MAN2A2: variants seen among roughly 807,000 people sequenced by gnomAD.
MAN2A2 encodes the protein alpha-mannosidase 2x.
In MAN2A2, 79 loss-of-function variants were observed where a neutral mutation model predicts 126.8. The ratio of observed to expected loss-of-function variants is 0.62; its 90% confidence interval spans 0.52 to 0.75. The LOEUF (loss-of-function observed/expected upper bound fraction) is 0.75. MAN2A2 is among the 30% of genes least tolerant of loss of function. The pLI, the probability that MAN2A2 is intolerant of heterozygous loss-of-function variation, is 0.00. For missense variants in MAN2A2, 1,392 were observed against 1,522.4 expected (o/e 0.91, Z 1.43); for synonymous variants, 671 against 618.7 (o/e 1.08, Z -1.25).
chr15:90,909,072 C>T (rs749957645), intron 8 of MAN2A2, among the ~76,000 whole-genome samples: 4 of 152,144 alleles, frequency 2.6e-5, no homozygotes, highest in South Asian at 2.1e-4. Flanking sequence ...CAAAATGAGG[C>T]GGGAGTGTCA....
chr15:90,916,466 C>A, intron 20 of MAN2A2: 1 of 1,121,364 alleles, frequency 8.9e-7, no homozygotes, highest in Non-Finnish European at 1.3e-6. Flanking sequence ...CGCTCTGTCA[C>A]CTGTGCCCCT....
rs997489885 is a variant in MAN2A2 at position 90,912,569 on chromosome 15, G to A, written c.2374G>A (p.Glu792Lys). The change falls in exon 16 of 23, where the codon GAG becomes AAG. Residue 792 changes from glutamate (E) to lysine (K), a missense_variant. Transcript: ENST00000559717. Reference sequence around the variant, plus strand: ...CATCCGAAGGGTGGATGAGGAGCACGAGCAGCAGGTGGACATGCAGGTCCT... The same window carrying A: ...CATCCGAAGGGTGGATGAGGAGCACAAGCAGCAGGTGGACATGCAGGTCCT... ...KSIRRVDEEHEQQVDMQVLVY... is the reference protein window; with the variant it reads ...KSIRRVDEEHKQQVDMQVLVY... The A allele has an allele frequency of 1.1e-5, 17 of 1,613,978 alleles. No individual in the cohort carries two copies. The highest frequency in any genetic ancestry group is 1.4e-5 in the Non-Finnish European group (16 of 1,179,998).
chr15:90,910,702 C>A lies in MAN2A2; in HGVS notation c.1760+19C>A. The A allele has an allele frequency of 6.2e-7, 1 of 1,612,526 alleles. No homozygotes were observed. Among genetic ancestry groups the A allele is most frequent in the African/African-American group, 1.3e-5 (1 of 75,004 alleles). ...GGGTCAGGTGGGAGCCTTCTCTTTT[C>A]CCTTGTAAGCTCCCCTGCTCACTGT... On this transcript the variant is annotated intron_variant, in intron 11 of 22. Coordinates refer to ENST00000559717, the MANE Select transcript of MAN2A2 (RefSeq NM_006122.4).
At chr15:90,914,119 A>C (rs1232511057) in intron 19 of MAN2A2, among the ~76,000 whole-genome samples, 1 of 152,256 alleles carries the variant, frequency 6.6e-6, no homozygotes, top group Non-Finnish European at 1.5e-5. Context: ...GCAGAAGGCC[A>C]GGAGTTTGAG....
chr15:90,921,075 A>G lies in MAN2A2; in HGVS notation c.*1288A>G, dbSNP rs2035521984. ...TAAAGTCAGAAACTAGCCAAGGGCA[A>G]GCTATTATTCAGCAGTGTCCCGGCA... On this transcript the variant is annotated 3_prime_UTR_variant, in exon 23 of 23. Coordinates refer to ENST00000559717, the MANE Select transcript of MAN2A2 (RefSeq NM_006122.4). 1 of 152,232 alleles carries G rather than the reference A, an allele frequency of 6.6e-6. No homozygotes were observed. The highest frequency in any genetic ancestry group is 2.4e-5 in the African/African-American group (1 of 41,462). The allele number at this position is 152,232 out of a possible 1,614,324, so 9.4% of individuals were successfully genotyped here.
rs765804428 is a variant in MAN2A2, at chr15:90,909,439, G to A, written c.1309G>A (p.Ala437Thr). Residue 437 changes from alanine to threonine, a missense_variant, in exon 9 of 23, where the codon GCC (alanine) becomes ACC (threonine). Coordinates refer to ENST00000559717, the MANE Select transcript of MAN2A2 (RefSeq NM_006122.4). The stretch of plus-strand genomic sequence containing the variant: ...ATATGACAAGCCCCAGGAGTGGGAT[G>A]CCCAGTTCTTCAACTACCAACGGCT... ...FRYDKPQEWD[A>T]QFFNYQRLFD... is the part of the protein sequence containing the mutation. 37 of 1,614,020 alleles carry A rather than the reference G, an allele frequency of 2.3e-5. No homozygotes were observed. The highest frequency in any genetic ancestry group is 3.0e-5 in the Non-Finnish European group (35 of 1,180,012).
rs1041275526 is a variant in MAN2A2, at chr15:90,921,142, G to A, written c.*1355G>A. 1.3e-5 allele frequency: 2 copies of A among 152,178 alleles called. No individual in the cohort carries two copies. Among genetic ancestry groups the A allele is most frequent in the Admixed American group, 1.3e-4 (2 of 15,282 alleles). The allele number at this position is 152,178 out of a possible 1,614,324, so 9.4% of individuals were successfully genotyped here. On this transcript the variant is annotated 3_prime_UTR_variant, in exon 23 of 23. Transcript: ENST00000559717. ...CAAGCCAGATGAGGAACATAAGGAA[G>A]AATTATAATTGTCATTATTTGTAGA... is the stretch of plus-strand genomic sequence containing the variant.
At chr15:90,917,830 G>A (rs892054972) in intron 20 of MAN2A2, 1 of 201,038 alleles carries the variant, frequency 5.0e-6, no homozygotes, top group African/African-American at 2.3e-5. Context: ...TGGATTGGAG[G>A]TCCGTGCTCC....
chr15:90,902,846 G>A (rs1049414328), upstream of MAN2A2: 12 of 147,160 alleles, frequency 8.2e-5, no homozygotes, highest in African/African-American at 2.9e-4. Flanking sequence ...GCGGAGCAGG[G>A]GGCTACGGGT....
In MAN2A2 at chr15:90,911,255, C is replaced by T; in HGVS notation, c.1943+17C>T. 6.2e-7 allele frequency: 1 copy of T among 1,613,992 alleles called. No homozygotes were observed. Among genetic ancestry groups the T allele is most frequent in the South Asian group, 1.1e-5 (1 of 91,076 alleles). On this transcript the variant is annotated intron_variant, in intron 13 of 22. Coordinates refer to ENST00000559717, the MANE Select transcript of MAN2A2 (RefSeq NM_006122.4). ...CTCGCCCAGGTAACCTGGACTACGC[C>T]ATGTGCAGAGAGGCAGAGCCATTCC...
intron 1 of MAN2A2, chr15:90,903,653 G>GAA (rs1373493857): frequency 2.2e-5 from 5 of 223,392 alleles, no homozygotes; most frequent in Admixed American, 5.2e-5. Flanking sequence ...CTTTATGCTA[G>GAA]AAACACAAGC....
intron 15 of MAN2A2, 63 bp downstream of exon 15, chr15:90,912,342 C>G: frequency 1.3e-6 from 2 of 1,585,844 alleles, no homozygotes; most frequent in East Asian, 2.2e-5. Flanking sequence ...GGTGGTGGCA[C>G]TGTGCAGAGC....
intron 7 of MAN2A2, 152 bp from the exon 8 acceptor site, chr15:90,907,157 G>A (rs2034362138): frequency 3.4e-6 from 3 of 874,262 alleles, no homozygotes; most frequent in Non-Finnish European, 5.2e-6. Flanking sequence ...AGCCCCTCAT[G>A]TCTTTCTCCC....
rs561865665 is a variant in MAN2A2, at chr15:90,916,391, G to C, written c.2994+135G>C. The C allele has an allele frequency of 3.4e-4, 432 of 1,265,710 alleles. 2 individuals carry two copies. In the South Asian group the frequency reaches 5.2e-3, roughly 15 times the overall value. 78.4% of individuals were successfully genotyped at this position (1,265,710 alleles called of 1,614,324 possible). A position where few individuals can be genotyped will look rare whatever the true frequency, so the allele number is the denominator to read the frequency against. ...GAGAGTAGGGCTGAATTCCTGGGGT[G>C]GGGGGAGGCAGTCTGGCGTTTTGTG... On this transcript the variant is annotated intron_variant, in intron 20 of 22. Coordinates refer to ENST00000559717, the MANE Select transcript of MAN2A2 (RefSeq NM_006122.4).
At chr15:90,916,947 G>A (rs1056559535) in intron 20 of MAN2A2, among the ~76,000 whole-genome samples, 5 of 152,174 alleles carry the variant, frequency 3.3e-5, no homozygotes, top group African/African-American at 1.2e-4. Context: ...TAAGGAGATC[G>A]AGGTCAAGGA....
chr15:90,920,103 C>A lies in MAN2A2; in HGVS notation c.*316C>A. On this transcript the variant is annotated 3_prime_UTR_variant, in exon 23 of 23. Transcript: ENST00000559717. ...ACAGGCTCAGGCACCCATCCTTTTT[C>A]CAAACAGGGATATAGAAGTGGTGGA... The A allele has an allele frequency of 3.2e-6, 1 of 312,296 alleles. No homozygotes were observed. 19.3% of individuals were successfully genotyped at this position (312,296 alleles called of 1,614,324 possible).
chr15:90,903,864 C>T (rs1234663546), intron 1 of MAN2A2: 15 of 388,236 alleles, frequency 3.9e-5, no homozygotes, highest in South Asian at 2.6e-4. Flanking sequence ...AGCACATGGC[C>T]GAGGAGCCTG....
rs960239017 is a variant in MAN2A2, at chr15:90,907,302, C to T, written c.1010-7C>T. 6.2e-7 allele frequency: 1 copy of T among 1,612,408 alleles called. No homozygotes were observed. The highest frequency in any genetic ancestry group is 1.3e-5 in the African/African-American group (1 of 75,040). ...CTGGTGGTGACCACGTGGTGTGTCT[C>T]CTGCAGACTCGGACTCCAGCACAGA... On this transcript the variant is annotated splice_polypyrimidine_tract_variant and splice_region_variant and intron_variant, in intron 7 of 22. Coordinates refer to ENST00000559717, the MANE Select transcript of MAN2A2 (RefSeq NM_006122.4).
At position 90,918,629 on chromosome 15, in the gene MAN2A2, ACTGT is replaced by A. The variant is rs2151331435; in HGVS notation, c.3190-10_3190-7del. The A allele has an allele frequency of 1.3e-6, 2 of 1,490,868 alleles. No individual in the cohort carries two copies. The highest frequency in any genetic ancestry group is 1.1e-5 in the South Asian group (1 of 88,408). 92.4% of individuals were successfully genotyped at this position (1,490,868 alleles called of 1,614,324 possible). ...AAGCCCTGCGCCCACTTCCCTGGGCACTGTCTGTCATCCAGGAGGACACCCTACC... is the reference window on the plus strand; with the variant it reads ...AAGCCCTGCGCCCACTTCCCTGGGCACTGTCATCCAGGAGGACACCCTACC... On this transcript the variant is annotated splice_polypyrimidine_tract_variant and intron_variant, in intron 21 of 22. Transcript: ENST00000559717.
Sources: allele counts gnomAD v4.1 joint callset (sites outside exome capture counted in the v4.1 genomes callset), GRCh38; gene constraint gnomAD v4.1.1; transcripts MANE v1.5; gene names NCBI Gene and HGNC (gene_info 2026-07-23, HGNC 2026-07-21).